FAR2: variants seen among roughly 807,000 people sequenced by gnomAD.
FAR2 encodes epididymis secretory protein Li 81.
A neutral mutation model predicts 56.0 loss-of-function variants in FAR2; 19 were observed. The ratio of observed to expected loss-of-function variants is 0.34; its 90% CI spans 0.24 to 0.50. The LOEUF is 0.50. FAR2 is among the 20% of genes least tolerant of loss of function. FAR2 has a pLI of 0.98. For missense variants in FAR2, 508 were observed against 642.2 expected, an observed-to-expected ratio of 0.79 and a Z score of 2.26; for synonymous variants, 219 against 218.8, an observed-to-expected ratio of 1.00 and a Z score of -0.01.
chr12:29,279,813 A>C (rs930071672), intron 2 of FAR2, among the ~76,000 whole-genome samples: 3 of 152,142 alleles, frequency 2.0e-5, no homozygotes, highest in Non-Finnish European at 4.4e-5. Context: ...AACCCATATG[A>C]GTCTTGTTTT....
At chr12:29,187,914 T>G (rs1175923562) in intron 1 of FAR2, among the ~76,000 whole-genome samples, 1 of 152,182 alleles carries the variant, frequency 6.6e-6, no homozygotes, top group Non-Finnish European at 1.5e-5. Context: ...ATCAGCCAGT[T>G]TCATTTCGTA....
intron 1 of FAR2, among the ~76,000 whole-genome samples, chr12:29,170,788 CTT>C (rs1949878415): frequency 6.6e-6 from 1 of 151,986 alleles, no homozygotes; most frequent in East Asian, 1.9e-4. Flanking sequence ...CTCTTTCTCT[CTT>C]TCCTTTCTGC....
intron 2 of FAR2, among the ~76,000 whole-genome samples, chr12:29,275,179 CAG>C (rs1218818354): frequency 3.3e-5 from 5 of 151,352 alleles, no homozygotes; most frequent in African/African-American, 9.7e-5. Flanking sequence ...CGAAGGGAGA[CAG>C]GGGTGGGGCC....
chr12:29,205,655 G>T (rs1181360140), intron 1 of FAR2, among the ~76,000 whole-genome samples: 2 of 152,138 alleles, frequency 1.3e-5, no homozygotes, highest in African/African-American at 4.8e-5. Flanking sequence ...TGAAATAATA[G>T]TACTACCCAA....
Position 29,252,534 on chromosome 12 carries a change from C to T in FAR2, c.-38-17878C>T, listed in dbSNP as rs547546808. On this transcript the variant is annotated intron_variant, in intron 1 of 11. Coordinates refer to ENST00000536681, the MANE Select transcript of FAR2 (RefSeq NM_001271783.2). The stretch of plus-strand genomic sequence containing the variant: ...GTATATAGCAAATATTTCTTTCTTT[C>T]CTCTTTTGTCCGCTTATCATGCAAC... 3.3e-5 allele frequency among the ~76,000 whole-genome samples: 5 copies of T among 152,124 alleles called. No homozygotes were observed. The East Asian group carries it at 9.6e-4, about 29-fold the overall frequency.
intron 1 of FAR2, among the ~76,000 whole-genome samples, chr12:29,165,452 T>C (rs1438890773): frequency 6.6e-6 from 1 of 152,188 alleles, no homozygotes; most frequent in African/African-American, 2.4e-5. Flanking sequence ...TAAAATGTAA[T>C]CATTAAGCAA....
chr12:29,288,306 G>A (rs961031413), intron 2 of FAR2, among the ~76,000 whole-genome samples: 1 of 152,064 alleles, frequency 6.6e-6, no homozygotes, highest in Non-Finnish European at 1.5e-5. Flanking sequence ...TGATGATGGT[G>A]AGCAGCTTTC....
At chr12:29,193,182 C>G (rs1004264487) in intron 1 of FAR2, among the ~76,000 whole-genome samples, 3 of 152,100 alleles carry the variant, frequency 2.0e-5, no homozygotes, top group African/African-American at 7.2e-5. Flanking sequence ...CACAGCCTCC[C>G]CATTATCAAT....
chr12:29,237,783 C>A lies in FAR2; in HGVS notation c.-38-32629C>A, dbSNP rs376603272. On this transcript the variant is annotated intron_variant, in intron 1 of 11. Coordinates refer to ENST00000536681, the MANE Select transcript of FAR2 (RefSeq NM_001271783.2). ...TTGCCAATGATAAACTTTGAATTTT[C>A]AAATGAAAATTAGAGTTTTGGAGGA... 1.6e-4 allele frequency among the ~76,000 whole-genome samples: 24 copies of A among 152,202 alleles called. No individual in the cohort carries two copies. In the East Asian group the frequency reaches 3.3e-3, roughly 21 times the overall value.
intron 5 of FAR2, among the ~76,000 whole-genome samples, chr12:29,308,715 C>T (rs879497316): frequency 0.32 from 40,762 of 127,776 alleles, 7,043 homozygotes; most frequent in African/African-American, 0.51. Context: ...CACACACACA[C>T]ACACATATAT....
At chr12:29,257,609 T>C (rs1408536338) in intron 1 of FAR2, among the ~76,000 whole-genome samples, 1 of 152,088 alleles carries the variant, frequency 6.6e-6, no homozygotes, top group Admixed American at 6.5e-5. Context: ...GGTCTGCAGC[T>C]TCACTCCTGA....
chr12:29,201,957 G>C (rs575130090), intron 1 of FAR2, among the ~76,000 whole-genome samples: 17 of 152,150 alleles, frequency 1.1e-4, no homozygotes, highest in African/African-American at 3.6e-4. Flanking sequence ...TCTCGGCTTT[G>C]GATGATGACT....
intron 1 of FAR2, among the ~76,000 whole-genome samples, chr12:29,190,982 A>G (rs1950098527): frequency 6.6e-6 from 1 of 152,170 alleles, no homozygotes; most frequent in African/African-American, 2.4e-5. Flanking sequence ...TTCTGTTTTC[A>G]TGAGGCTCCA....
At chr12:29,318,665 T>C (rs920217668) in intron 9 of FAR2, among the ~76,000 whole-genome samples, 1 of 152,216 alleles carries the variant, frequency 6.6e-6, no homozygotes, top group African/African-American at 2.4e-5. Flanking sequence ...GTACATAGTT[T>C]GCTTTGCAGT....
chr12:29,205,850 T>C (rs1377154499), intron 1 of FAR2, among the ~76,000 whole-genome samples: 2 of 152,074 alleles, frequency 1.3e-5, no homozygotes, highest in Non-Finnish European at 2.9e-5. Flanking sequence ...CTTTTTTTTT[T>C]TAATTAGCTG....
chr12:29,251,317 A>G lies in FAR2; in HGVS notation c.-38-19095A>G, dbSNP rs1430490886. On this transcript the variant is annotated intron_variant, in intron 1 of 11. Transcript: ENST00000536681. ...ACCCTGATACACTGCCAAAAAATTT[A>G]AACTTAATCTTTCTCCCAGACTTCC... is the stretch of plus-strand genomic sequence containing the variant. 3.3e-5 allele frequency among the ~76,000 whole-genome samples: 5 copies of G among 152,166 alleles called. No homozygotes were observed. The East Asian group carries it at 5.8e-4, about 18-fold the overall frequency.
chr12:29,208,951 C>T (rs1947509338), intron 1 of FAR2, among the ~76,000 whole-genome samples: 1 of 152,036 alleles, frequency 6.6e-6, no homozygotes, highest in African/African-American at 2.4e-5. Flanking sequence ...AGGAAACCAA[C>T]CTGCTTTAGG....
chr12:29,247,049 T>C (rs1344445909), intron 1 of FAR2, among the ~76,000 whole-genome samples: 2 of 152,172 alleles, frequency 1.3e-5, no homozygotes, highest in African/African-American at 4.8e-5. Context: ...TATTTCCAAA[T>C]CATGTATTTA....
chr12:29,223,551 G>A (rs984187765), intron 1 of FAR2: 13 of 152,160 alleles, frequency 8.5e-5, no homozygotes, highest in East Asian at 1.9e-4. Flanking sequence ...ACCAAATTAC[G>A]TTTCTCAAAC....
Sources: gnomAD v4.1 joint callset for allele counts (sites outside exome capture counted in the v4.1 genomes callset) on GRCh38, gnomAD v4.1.1 for gene constraint, MANE v1.5 for transcripts, NCBI Gene and HGNC (gene_info 2026-07-23, HGNC 2026-07-21) for gene names.